Variants in TAF12 observed in about 807,000 individuals in gnomAD.
The protein encoded by TAF12 is TATA-box binding protein associated factor 12.
In TAF12, 3 loss-of-function variants were observed where a neutral mutation model predicts 20.8. The observed-to-expected ratio is 0.14, with a 90% CI of 0.07 to 0.37. The LOEUF (loss-of-function observed/expected upper bound fraction) is 0.37. Among genes scored for constraint, TAF12 ranks in the 10% least tolerant of loss-of-function variants. The pLI, the probability that TAF12 is intolerant of heterozygous loss-of-function variation, is 1.00. For synonymous variants in TAF12, 69 were observed against 70.2 expected, an observed-to-expected ratio of 0.98 and a Z score of 0.09; for missense variants, 131 against 197.9, an observed-to-expected ratio of 0.66 and a Z score of 2.03.
chr1:28,613,196 T>A (rs746636535), intron 4 of TAF12, 51 bp downstream of exon 4: 2 of 1,492,484 alleles, frequency 1.3e-6, no homozygotes, highest in Non-Finnish European at 1.8e-6. Context: ...TCCCTGGCAG[T>A]CCTGAAGAAG....
chr1:28,627,513 G>A (rs569542096), intron 1 of TAF12, among the ~76,000 whole-genome samples: 5 of 151,524 alleles, frequency 3.3e-5, no homozygotes, highest in East Asian at 1.9e-4. Flanking sequence ...CTAACACGGT[G>A]AAACCCTGTC....
At chr1:28,625,291 C>A (rs1463906506) in intron 1 of TAF12, among the ~76,000 whole-genome samples, 2 of 152,186 alleles carry the variant, frequency 1.3e-5, no homozygotes, top group Admixed American at 1.3e-4. Context: ...ATAATCCCAG[C>A]TACTCAGGAG....
At chr1:28,626,319 C>A (rs1667389966) in intron 1 of TAF12, among the ~76,000 whole-genome samples, 1 of 151,926 alleles carries the variant, frequency 6.6e-6, no homozygotes, top group African/African-American at 2.4e-5. Context: ...GTGGCTCACG[C>A]CTGTAATCCC....
chr1:28,620,376 G>A (rs759288091), intron 2 of TAF12, among the ~76,000 whole-genome samples: 4 of 151,800 alleles, frequency 2.6e-5, no homozygotes, highest in Admixed American at 6.6e-5. Flanking sequence ...TTGGGTTATC[G>A]CCTGCCTTGG....
intron 5 of TAF12, among the ~76,000 whole-genome samples, chr1:28,605,018 G>A (rs1252577972): frequency 1.3e-5 from 2 of 152,050 alleles, no homozygotes; most frequent in Non-Finnish European, 2.9e-5. Context: ...CTCTTCATAG[G>A]ACCATATATG....
Position 28,605,414 on chromosome 1 carries a change from G to A in TAF12, c.408C>T (p.Ile136=). Residue 136 remains isoleucine (I), a synonymous_variant, in exon 5 of 6, where the codon ATC becomes ATT. Transcript: ENST00000373824. ...TGGTGCAAGCTTTTTTGTAGGGTCG[G>A]ATTTCTTCAGAGCCAAATCCTGGGA... ...MWIPGFGSEE[I]RPYKKACTTE... The A allele has an allele frequency of 6.2e-6, 10 of 1,614,060 alleles. No homozygotes were observed. The highest frequency in any genetic ancestry group is 8.5e-6 in the Non-Finnish European group (10 of 1,180,020).
intron 4 of TAF12, among the ~76,000 whole-genome samples, chr1:28,608,349 A>C (rs994674831): frequency 1.3e-5 from 2 of 151,696 alleles, no homozygotes; most frequent in Non-Finnish European, 2.9e-5. Flanking sequence ...CATCTCAAAA[A>C]AAAAAGGATC....
chr1:28,630,603 C>T (rs1667584322), intron 1 of TAF12, among the ~76,000 whole-genome samples: 1 of 151,704 alleles, frequency 6.6e-6, no homozygotes, highest in South Asian at 2.1e-4. Flanking sequence ...AAATATACAA[C>T]TTCTTGAAGA....
rs181736870 is a variant in TAF12, at chr1:28,630,426, C to T, written c.-84-8261G>A. 6.4e-3 allele frequency among the ~76,000 whole-genome samples: 966 copies of T among 152,040 alleles called. 3 individuals are homozygous for T. Among genetic ancestry groups the T allele is most frequent in the Admixed American group, 8.8e-3 (134 of 15,244 alleles). ...AAAATTAGCTGGGCGTGGTGGCGTG[C>T]GCCTGTAATCTAAGCTACTCGAGGC... On this transcript the variant is annotated intron_variant, in intron 1 of 5. Transcript: ENST00000373824.
Position 28,608,202 on chromosome 1 carries a change from G to A in TAF12, c.362-2742C>T, listed in dbSNP as rs1242782370. ...AAAAAAAAAAAAAAAAAAAATAGCC[G>A]GGTGTGGTGGCGGGCGCCTGTAGTC... On this transcript the variant is annotated intron_variant, in intron 4 of 5. Coordinates refer to ENST00000373824, the MANE Select transcript of TAF12 (RefSeq NM_005644.4). 1.6e-4 allele frequency among the ~76,000 whole-genome samples: 24 copies of A among 148,448 alleles called. No homozygotes were observed. The South Asian group carries it at 2.8e-3, about 17-fold the overall frequency.
chr1:28,635,350 G>A (rs1194842079), intron 1 of TAF12, among the ~76,000 whole-genome samples: 1 of 122,618 alleles, frequency 8.2e-6, no homozygotes, highest in Non-Finnish European at 1.6e-5. Flanking sequence ...GTGTCGCCCA[G>A]GCTACAGTGC....
intron 2 of TAF12, among the ~76,000 whole-genome samples, chr1:28,620,146 T>G (rs1189478043): frequency 6.6e-6 from 1 of 151,946 alleles, no homozygotes; most frequent in Non-Finnish European, 1.5e-5. Flanking sequence ...AATTTTTTTT[T>G]TTTTTGAGAC....
At chr1:28,617,808 G>T in intron 3 of TAF12, 145 bp downstream of exon 3, 2 of 802,800 alleles carry the variant, frequency 2.5e-6, no homozygotes, top group Non-Finnish European at 4.3e-6. Context: ...GCCTAGGCTG[G>T]TCTTGAACCT....
At chr1:28,624,232 C>T (rs1667309737) in intron 1 of TAF12, among the ~76,000 whole-genome samples, 1 of 152,156 alleles carries the variant, frequency 6.6e-6, no homozygotes, top group Non-Finnish European at 1.5e-5. Context: ...GATTATGGCA[C>T]ATATAGACCA....
At chr1:28,643,142 G>C, upstream of TAF12, 1 of 984,504 alleles carries the variant, frequency 1.0e-6, no homozygotes, top group Non-Finnish European at 1.2e-6. Flanking sequence ...TCCGGCCGGC[G>C]GGCGCGCGCC....
intron 4 of TAF12, among the ~76,000 whole-genome samples, chr1:28,608,268 C>G (rs1666736144): frequency 6.7e-6 from 1 of 150,118 alleles, no homozygotes; most frequent in Admixed American, 6.6e-5. Flanking sequence ...TGGTGTGAAC[C>G]TGGGAGGCAG....
intron 1 of TAF12, among the ~76,000 whole-genome samples, chr1:28,638,679 T>C (rs1294755901): frequency 6.7e-6 from 1 of 149,370 alleles, no homozygotes; most frequent in East Asian, 2.0e-4. Flanking sequence ...AGAGACGGGG[T>C]TTTACCATGT....
chr1:28,608,323 C>G (rs1460138456), intron 4 of TAF12, among the ~76,000 whole-genome samples: 1 of 150,296 alleles, frequency 6.7e-6, no homozygotes, highest in Non-Finnish European at 1.5e-5. Flanking sequence ...CCAGCGTGGG[C>G]GATAGAGCAA....
chr1:28,637,807 T>C (rs1237919027), intron 1 of TAF12, among the ~76,000 whole-genome samples: 2 of 152,138 alleles, frequency 1.3e-5, no homozygotes, highest in African/African-American at 4.8e-5. Context: ...ATTGCTGATA[T>C]AGTGCCTACA....
Sources: gnomAD v4.1 joint callset for allele counts (sites outside exome capture counted in the v4.1 genomes callset) on GRCh38, gnomAD v4.1.1 for gene constraint, MANE v1.5 for transcripts, NCBI Gene and HGNC (gene_info 2026-07-23, HGNC 2026-07-21) for gene names.